Variants in MTMR9 observed in about 807,000 individuals in gnomAD.
MTMR9 encodes the protein myotubularin-related protein 9.
A neutral mutation model predicts 69.5 loss-of-function variants in MTMR9; 39 were observed. The observed-to-expected ratio is 0.56, with a 90% confidence interval of 0.43 to 0.73. The LOEUF (loss-of-function observed/expected upper bound fraction) is 0.73, where lower values mean the gene tolerates loss of function less well. Ranked by LOEUF, MTMR9 falls within the 30% of genes least tolerant of loss-of-function variation. MTMR9 has a pLI of 0.00. For synonymous variants in MTMR9, 354 were observed against 240.8 expected (o/e 1.47, Z -4.35); for missense variants, 900 against 671.2 (o/e 1.34, Z -3.77).
chr8:11,300,164 A>G lies in MTMR9; in HGVS notation c.417+16A>G, dbSNP rs1432037215. ...TTCTTCAGCTGTGAGTTAACTTTTGAGAACTGTGGATTATGAGAAGTAACC... is the reference window on the plus strand; with the variant it reads ...TTCTTCAGCTGTGAGTTAACTTTTGGGAACTGTGGATTATGAGAAGTAACC... On this transcript the variant is annotated intron_variant, in intron 3 of 9. Coordinates refer to ENST00000221086, the MANE Select transcript of MTMR9 (RefSeq NM_015458.4). The G allele has an allele frequency of 3.1e-6, 5 of 1,610,990 alleles. No homozygotes were observed. Among genetic ancestry groups the G allele is most frequent in the Non-Finnish European group, 4.2e-6 (5 of 1,177,964 alleles).
At chr8:11,294,023 A>G (rs1036356680) in intron 1 of MTMR9, among the ~76,000 whole-genome samples, 1 of 152,194 alleles carries the variant, frequency 6.6e-6, no homozygotes, top group African/African-American at 2.4e-5. Flanking sequence ...CTATTTGAAG[A>G]CATTTGCATT....
intron 8 of MTMR9, chr8:11,317,809 C>G (rs926223768): frequency 6.6e-6 from 1 of 152,306 alleles, no homozygotes; most frequent in African/African-American, 2.4e-5. Flanking sequence ...GCCTGGTAAT[C>G]TCTTCAGGGT....
downstream of MTMR9, chr8:11,331,781 A>G (rs570363480): frequency 1.4e-5 from 22 of 1,611,376 alleles, no homozygotes; most frequent in East Asian, 1.1e-4. Context: ...TGGCCTTCCT[A>G]TCTGGCTTGG....
downstream of MTMR9, chr8:11,332,257 C>A: frequency 7.4e-7 from 1 of 1,360,072 alleles, no homozygotes; most frequent in Non-Finnish European, 9.8e-7. Context: ...ACTTCCATAG[C>A]ACATTATAAT....
intron 4 of MTMR9, 65 bp downstream of exon 4, chr8:11,305,079 T>A: frequency 6.7e-7 from 1 of 1,484,198 alleles, no homozygotes; most frequent in Non-Finnish European, 9.2e-7. Context: ...TTCGTAGAAA[T>A]GTTCCCTTTT....
the MTMR9 span, among the ~76,000 whole-genome samples, chr8:11,333,850 T>A: frequency 6.6e-6 from 1 of 152,196 alleles, no homozygotes; most frequent in African/African-American, 2.4e-5. Flanking sequence ...CCCTCTAAAA[T>A]GCATGTTGAA....
chr8:11,288,429 A>C (rs1250061321), intron 1 of MTMR9, among the ~76,000 whole-genome samples: 1 of 149,968 alleles, frequency 6.7e-6, no homozygotes, highest in Non-Finnish European at 1.5e-5. Context: ...GATAAAGAGC[A>C]CTGGGAGGCA....
chr8:11,291,800 AT>A (rs534970346), intron 1 of MTMR9, among the ~76,000 whole-genome samples: 1 of 151,878 alleles, frequency 6.6e-6, no homozygotes, highest in Non-Finnish European at 1.5e-5. Flanking sequence ...TGTCTTGTAC[AT>A]TTTTTTTGTT....
At chr8:11,330,449 T>A (rs1801168078), downstream of MTMR9, among the ~76,000 whole-genome samples, 2 of 152,296 alleles carry the variant, frequency 1.3e-5, no homozygotes, top group East Asian at 3.9e-4. Context: ...CGGGCCATGA[T>A]GACGATGGCG....
In MTMR9 at chr8:11,316,716, G is replaced by A. The variant is rs1277978743; in HGVS notation, c.1157G>A (p.Cys386Tyr). The A allele has an allele frequency of 4.3e-6, 7 of 1,613,282 alleles. No homozygotes were observed. Among genetic ancestry groups the A allele is most frequent in the Non-Finnish European group, 5.1e-6 (6 of 1,179,724 alleles). The stretch of plus-strand genomic sequence containing the variant: ...CAGCGCTGTGCACAGTCAGCCTACT[G>A]TAACACCAAGCAGAAGTGGGAGGCT... Reference protein sequence around the residue: ...FQQRCAQSAYCNTKQKWEAPV... With the variant: ...FQQRCAQSAYYNTKQKWEAPV... Residue 386 changes from cysteine to tyrosine, a missense_variant, in exon 8 of 10, where the codon TGT (cysteine) becomes TAT (tyrosine). Physicochemically the swap from Cys to Tyr is radical, Grantham distance 194. Coordinates refer to ENST00000221086, the MANE Select transcript of MTMR9 (RefSeq NM_015458.4).
chr8:11,306,975 A>G (rs1336497659), intron 5 of MTMR9, among the ~76,000 whole-genome samples: 2 of 152,212 alleles, frequency 1.3e-5, no homozygotes, highest in East Asian at 3.8e-4. Flanking sequence ...TGCAGTGTTT[A>G]TCTTTCTGTG....
At chr8:11,285,220 C>G (rs1310692736) in intron 1 of MTMR9, 150 bp downstream of exon 1, 12 of 746,264 alleles carry the variant, frequency 1.6e-5, no homozygotes, top group African/African-American at 3.6e-5. Context: ...ATTTACCAAG[C>G]TGAAACCCGT....
chr8:11,290,525 C>T (rs1267490399), intron 1 of MTMR9, among the ~76,000 whole-genome samples: 2 of 151,886 alleles, frequency 1.3e-5, no homozygotes, highest in Non-Finnish European at 2.9e-5. Flanking sequence ...CTTCCCTGTC[C>T]CCAAATCACC....
chr8:11,294,039 A>C (rs1434537235), intron 1 of MTMR9, among the ~76,000 whole-genome samples: 1 of 151,088 alleles, frequency 6.6e-6, no homozygotes, highest in Non-Finnish European at 1.5e-5. Flanking sequence ...GCATTTCCAT[A>C]TGAATTTTAG....
the MTMR9 span, among the ~76,000 whole-genome samples, chr8:11,335,340 C>T: frequency 6.6e-6 from 1 of 152,148 alleles, no homozygotes; most frequent in East Asian, 1.9e-4. Context: ...AAATTAAGTA[C>T]TTAGATATAA....
chr8:11,295,207 C>T lies in MTMR9; in HGVS notation c.196C>T (p.Leu66=), dbSNP rs1161727199. The T allele has an allele frequency of 1.9e-6, 3 of 1,599,188 alleles. No homozygotes were observed. Among genetic ancestry groups the T allele is most frequent in the Non-Finnish European group, 2.6e-6 (3 of 1,168,336 alleles). The change falls in exon 2 of 10, where the codon CTG becomes TTG. Residue 66 remains leucine (L), a synonymous_variant. Coordinates refer to ENST00000221086, the MANE Select transcript of MTMR9 (RefSeq NM_015458.4). The part of the protein sequence containing the change: ...DAIDKRFVGS[L]GTIIIKCKDF... ...AATTTCTTACAGATTTGTAGGATCA[C>T]TGGGTACCATCATCATAAAATGTAA...
At chr8:11,332,138 G>A, downstream of MTMR9, 1 of 1,611,588 alleles carries the variant, frequency 6.2e-7, no homozygotes, top group Non-Finnish European at 8.5e-7. Flanking sequence ...GAACTTGGGA[G>A]CCCGGGGGTT....
At position 11,317,971 on chromosome 8, in the gene MTMR9, TCCCCACTTAGAGGGGAGGATTAACTC is replaced by T. The variant is rs1245107584; in HGVS notation, c.1334+1090_1334+1115del. ...GTTTGGTGAATATGACATAATATCC[TCCCCACTTAGAGGGGAGGATTAACTC>T]CCCCACTTAGAAGGGAGGATTTAAT... is the stretch of plus-strand genomic sequence containing the variant. On this transcript the variant is annotated intron_variant, in intron 8 of 9. Transcript: ENST00000221086. 58 of 152,090 alleles carry T rather than the reference TCCCCACTTAGAGGGGAGGATTAACTC, an allele frequency of 3.8e-4. 1 individual carries two copies. The highest frequency in any genetic ancestry group is 1.4e-3 in the African/African-American group (57 of 41,452). 9.4% of individuals were successfully genotyped at this position (152,090 alleles called of 1,614,324 possible).
intron 1 of MTMR9, among the ~76,000 whole-genome samples, chr8:11,289,007 A>G (rs1159560125): frequency 2.0e-5 from 3 of 152,172 alleles, no homozygotes; most frequent in Non-Finnish European, 4.4e-5. Context: ...CCTCATCTCT[A>G]CTGAAAATAC....
Sources: gnomAD v4.1 joint callset for allele counts (sites outside exome capture counted in the v4.1 genomes callset) on GRCh38, gnomAD v4.1.1 for gene constraint, MANE v1.5 for transcripts, NCBI Gene and HGNC (gene_info 2026-07-23, HGNC 2026-07-21) for gene names.